The following PTPN14 variants were observed in gnomAD, a reference collection of about 807,000 sequenced individuals.
The protein encoded by PTPN14 is tyrosine-protein phosphatase non-receptor type 14.
A neutral mutation model predicts 126.8 loss-of-function variants in PTPN14; 53 were observed. The observed-to-expected ratio is 0.42, with a 90% CI of 0.34 to 0.53. The LOEUF is 0.53. Ranked by LOEUF, PTPN14 falls within the 20% of genes least tolerant of loss-of-function variation. The pLI is 0.08. For synonymous variants in PTPN14, 630 were observed against 599.3 expected, an observed-to-expected ratio of 1.05 and a Z score of -0.75; for missense variants, 1,257 against 1,552.9, an observed-to-expected ratio of 0.81 and a Z score of 3.20.
At chr1:214,537,929 C>G (rs991190670) in intron 1 of PTPN14, among the ~76,000 whole-genome samples, 1 of 152,084 alleles carries the variant, frequency 6.6e-6, no homozygotes, top group Non-Finnish European at 1.5e-5. Context: ...TCAATATACA[C>G]AAAATATTAT....
At chr1:214,444,898 C>T (rs1660109762) in intron 3 of PTPN14, among the ~76,000 whole-genome samples, 1 of 152,192 alleles carries the variant, frequency 6.6e-6, no homozygotes, top group Non-Finnish European at 1.5e-5. Flanking sequence ...ACCTAACTCC[C>T]TTGTCACTCA....
chr1:214,492,942 T>C (rs1413773591), intron 1 of PTPN14, among the ~76,000 whole-genome samples: 2 of 149,862 alleles, frequency 1.3e-5, no homozygotes, highest in Non-Finnish European at 1.5e-5. Flanking sequence ...TCACAACACA[T>C]AGCAGGAGGG....
chr1:214,470,484 G>A (rs374592959), intron 1 of PTPN14, among the ~76,000 whole-genome samples: 1 of 151,942 alleles, frequency 6.6e-6, no homozygotes. Flanking sequence ...ATATAGCCAC[G>A]TAAAAACACT....
In PTPN14 at chr1:214,403,030, C is replaced by T. The variant is rs1422720846; in HGVS notation, c.511-77G>A. On this transcript the variant is annotated intron_variant, in intron 5 of 18. Transcript: ENST00000366956. The stretch of plus-strand genomic sequence containing the variant: ...TTTTGCTTGCAAATCTTAAAGCTCC[C>T]TTCCTCAGATGTTCCTGATTAGTCA... 12 of 1,416,160 alleles carry T rather than the reference C, an allele frequency of 8.5e-6. No homozygotes were observed. In the Admixed American group the frequency reaches 1.5e-4, roughly 18 times the overall value. The allele number at this position is 1,416,160 out of a possible 1,614,324, so 87.7% of individuals were successfully genotyped here.
At chr1:214,481,383 C>T (rs954911416) in intron 1 of PTPN14, among the ~76,000 whole-genome samples, 2 of 151,542 alleles carry the variant, frequency 1.3e-5, no homozygotes, top group African/African-American at 4.9e-5. Context: ...TGGTGGCATG[C>T]GCCTGTAGTC....
chr1:214,449,323 C>CTTTTTCT (rs1267864567), intron 3 of PTPN14, among the ~76,000 whole-genome samples: 1 of 152,154 alleles, frequency 6.6e-6, no homozygotes, highest in African/African-American at 2.4e-5. Flanking sequence ...TTTTTCTAAG[C>CTTTTTCT]TTAAACAACC....
At chr1:214,395,101 A>G (rs976987941) in intron 8 of PTPN14, 115 bp from the exon 9 acceptor site, 25 of 894,798 alleles carry the variant, frequency 2.8e-5, no homozygotes, top group Non-Finnish European at 4.2e-5. Flanking sequence ...TGATTTAACT[A>G]TTTTTTAAGT....
At chr1:214,368,737 AT>A (rs1658145007) in intron 17 of PTPN14, among the ~76,000 whole-genome samples, 1 of 152,002 alleles carries the variant, frequency 6.6e-6, no homozygotes. Context: ...AATCCCTGCA[AT>A]TTGGGAGGCT....
At chr1:214,536,161 C>A (rs561806365) in intron 1 of PTPN14, among the ~76,000 whole-genome samples, 1 of 19,928 alleles carries the variant, frequency 5.0e-5, no homozygotes, top group Admixed American at 8.0e-4. Flanking sequence ...AGGCCAAGGC[C>A]GGGGTGGGGT....
intron 1 of PTPN14, among the ~76,000 whole-genome samples, chr1:214,501,762 C>G (rs995465034): frequency 2.6e-5 from 4 of 152,026 alleles, no homozygotes; most frequent in Admixed American, 2.6e-4. Context: ...CACATAACTT[C>G]AAAAGTTATT....
chr1:214,519,468 T>C (rs1655188847), intron 1 of PTPN14, among the ~76,000 whole-genome samples: 1 of 152,154 alleles, frequency 6.6e-6, no homozygotes, highest in Non-Finnish European at 1.5e-5. Context: ...CAATAATGCC[T>C]GCTGGTCCAT....
intron 1 of PTPN14, among the ~76,000 whole-genome samples, chr1:214,477,599 G>A (rs549078451): frequency 6.6e-6 from 1 of 152,218 alleles, no homozygotes; most frequent in East Asian, 1.9e-4. Context: ...TGTTACCATC[G>A]GTGACCTCAA....
rs1263977910 is a variant in PTPN14, at chr1:214,364,765, GA to G, written c.3272-91del. 201 of 1,176,350 alleles carry G rather than the reference GA, an allele frequency of 1.7e-4. No homozygotes were observed. The African/African-American group carries it at 3.2e-3, about 19-fold the overall frequency. 72.9% of individuals were successfully genotyped at this position (1,176,350 alleles called of 1,614,324 possible). ...GGGGGAGCGGAAGAGAACTGATGGTGAGTGTGTGTGTGTGTGTGTGTGTGTG... is the reference window on the plus strand; with the variant it reads ...GGGGGAGCGGAAGAGAACTGATGGTGGTGTGTGTGTGTGTGTGTGTGTGTG... On this transcript the variant is annotated intron_variant, in intron 17 of 18. Transcript: ENST00000366956. The surrounding 1 kb of genome is among the most constrained non-coding windows in gnomAD (Gnocchi z 4.1).
At chr1:214,503,041 A>G (rs1654745868) in intron 1 of PTPN14, among the ~76,000 whole-genome samples, 1 of 152,210 alleles carries the variant, frequency 6.6e-6, no homozygotes, top group African/African-American at 2.4e-5. Context: ...AACCAAAAGG[A>G]TAAGATCCAA....
chr1:214,450,971 G>T (rs1028145574), intron 3 of PTPN14, among the ~76,000 whole-genome samples: 1 of 152,136 alleles, frequency 6.6e-6, no homozygotes, highest in African/African-American at 2.4e-5. Flanking sequence ...ATGGCTTCTT[G>T]TCTCCTCTTA....
At position 214,383,819 on chromosome 1, in the gene PTPN14, T is replaced by C. The variant is rs772754750; in HGVS notation, c.2036A>G (p.Glu679Gly). 20 of 1,612,396 alleles carry C rather than the reference T, an allele frequency of 1.2e-5. No individual in the cohort carries two copies. In the Admixed American group the frequency reaches 1.3e-4, roughly 11 times the overall value. ...NTLREQGPPE[E>G]GSGSHEVPQL... ...GGGGACCTCGTGGCTGCCTGACCCC[T>C]CCTCGGGCGGTCCCTGCTCCCGGAG... Residue 679 changes from glutamate (E) to glycine (G), a missense_variant, in exon 13 of 19, where the codon GAG (glutamate) becomes GGG (glycine). Transcript: ENST00000366956. The surrounding 1 kb of genome is among the most constrained non-coding windows in gnomAD (Gnocchi z 4.4).
intron 1 of PTPN14, among the ~76,000 whole-genome samples, chr1:214,520,065 A>AAAAAAAAAAAT: frequency 1.4e-5 from 1 of 71,110 alleles, no homozygotes; most frequent in African/African-American, 7.3e-5. Flanking sequence ...AAAAAAAAAA[A>AAAAAAAAAAAT]ATATATATAT....
intron 1 of PTPN14, among the ~76,000 whole-genome samples, chr1:214,486,232 T>A (rs1333994409): frequency 1.3e-5 from 2 of 152,170 alleles, no homozygotes; most frequent in Non-Finnish European, 2.9e-5. Context: ...CATACTAAAC[T>A]GTACATATGT....
intron 1 of PTPN14, among the ~76,000 whole-genome samples, chr1:214,525,662 G>T (rs1655373935): frequency 6.6e-6 from 1 of 152,198 alleles, no homozygotes; most frequent in African/African-American, 2.4e-5. Flanking sequence ...GTACAGAGGT[G>T]TTCAGCTGGG....
Sources: gnomAD v4.1 joint callset for allele counts (sites outside exome capture counted in the v4.1 genomes callset) on GRCh38, gnomAD v4.1.1 for gene constraint, Gnocchi (gnomAD v3.1) non-coding constraint, MANE v1.5 for transcripts, NCBI Gene and HGNC (gene_info 2026-07-23, HGNC 2026-07-21) for gene names.